ACOT12: variants seen among roughly 807,000 people sequenced by gnomAD.
ACOT12 encodes the protein acetyl-coenzyme A thioesterase.
A neutral mutation model predicts 67.7 loss-of-function variants in ACOT12; 51 were observed. The ratio of observed to expected loss-of-function variants is 0.75; its 90% confidence interval spans 0.60 to 0.95. The LOEUF is 0.95. Among genes scored for constraint, ACOT12 ranks in the 40% least tolerant of loss-of-function variants. The pLI is 0.00. For missense variants in ACOT12, 734 were observed against 708.1 expected, an observed-to-expected ratio of 1.04 and a Z score of -0.41; for synonymous variants, 251 against 244.6, an observed-to-expected ratio of 1.03 and a Z score of -0.24.
chr5:81,308,726 C>T, the ACOT12 span: 1 of 1,595,046 alleles, frequency 6.3e-7, no homozygotes, highest in East Asian at 2.2e-5. Flanking sequence ...GTGTTTCTTT[C>T]AGTTTTTTGT....
intron 2 of ACOT12, among the ~76,000 whole-genome samples, chr5:81,374,571 T>A (rs907718331): frequency 6.6e-6 from 1 of 151,934 alleles, no homozygotes; most frequent in Admixed American, 6.5e-5. Flanking sequence ...TCTAACCCAA[T>A]GAAAGGAAGC....
At chr5:81,325,091 GAGA>G (rs1264393750), downstream of ACOT12, among the ~76,000 whole-genome samples, 14 of 152,348 alleles carry the variant, frequency 9.2e-5, no homozygotes, top group East Asian at 2.7e-3. Flanking sequence ...GGGAGTCCTG[GAGA>G]AGGTGAGAGA....
chr5:81,335,659 CTT>C, intron 12 of ACOT12, 107 bp downstream of exon 12: 1 of 1,336,230 alleles, frequency 7.5e-7, no homozygotes, highest in Admixed American at 2.2e-5. Context: ...TAAAAATACT[CTT>C]TAAACAATGG....
downstream of ACOT12, among the ~76,000 whole-genome samples, chr5:81,328,149 A>G (rs865899812): frequency 6.6e-6 from 1 of 152,230 alleles, no homozygotes; most frequent in Middle Eastern, 3.4e-3. Context: ...TGCTGCATCC[A>G]GAGATCCTCA....
chr5:81,342,534 G>T, intron 11 of ACOT12, 138 bp downstream of exon 11: 2 of 801,182 alleles, frequency 2.5e-6, no homozygotes, highest in Non-Finnish European at 4.1e-6. Context: ...CTGAAAAGAT[G>T]GTTGCGTCTT....
At chr5:81,363,286 G>A (rs1032410919) in intron 4 of ACOT12, among the ~76,000 whole-genome samples, 1 of 152,144 alleles carries the variant, frequency 6.6e-6, no homozygotes, top group Non-Finnish European at 1.5e-5. Flanking sequence ...TCACTTCGGA[G>A]GGTGTTTTCA....
In ACOT12 at chr5:81,330,796, A is replaced by G; in HGVS notation, c.1518+18T>C. On this transcript the variant is annotated intron_variant, in intron 14 of 14. Coordinates refer to ENST00000307624, the MANE Select transcript of ACOT12 (RefSeq NM_130767.3). ...TCTGGCAGAGCCAATTAATCTGCAG[A>G]TGTTTCATCAAACTTACGATGCATG... 6.2e-6 allele frequency: 10 copies of G among 1,608,996 alleles called. No homozygotes were observed. Among genetic ancestry groups the G allele is most frequent in the South Asian group, 3.3e-5 (3 of 90,178 alleles).
the ACOT12 span, among the ~76,000 whole-genome samples, chr5:81,318,167 G>C: frequency 6.6e-6 from 1 of 152,024 alleles, no homozygotes; most frequent in African/African-American, 2.4e-5. Context: ...ACAGGTGTGA[G>C]CCACTATGCC....
chr5:81,342,284 C>G (rs1279425470), intron 11 of ACOT12, among the ~76,000 whole-genome samples: 2 of 152,162 alleles, frequency 1.3e-5, no homozygotes, highest in African/African-American at 4.8e-5. Flanking sequence ...AGCCAGCACA[C>G]TCGACCAAAA....
intron 5 of ACOT12, among the ~76,000 whole-genome samples, chr5:81,358,764 G>A (rs530032094): frequency 2.0e-5 from 3 of 152,124 alleles, no homozygotes; most frequent in African/African-American, 7.2e-5. Flanking sequence ...CAGGAGAATT[G>A]CTTGAACCTG....
At chr5:81,378,872 A>C (rs963379384) in intron 2 of ACOT12, among the ~76,000 whole-genome samples, 23 of 152,326 alleles carry the variant, frequency 1.5e-4, no homozygotes, top group Middle Eastern at 6.8e-3. Flanking sequence ...ACGCTTTTAC[A>C]TTGTTGGTGG....
intron 2 of ACOT12, among the ~76,000 whole-genome samples, chr5:81,374,745 A>T (rs1018734012): frequency 5.3e-5 from 8 of 152,188 alleles, no homozygotes; most frequent in African/African-American, 1.9e-4. Flanking sequence ...GATATCAGAG[A>T]TTGAAGATCA....
intron 11 of ACOT12, among the ~76,000 whole-genome samples, chr5:81,339,275 G>A (rs1052822292): frequency 4.6e-5 from 7 of 152,200 alleles, no homozygotes; most frequent in Admixed American, 2.6e-4. Context: ...TCGGAAGGGC[G>A]GAGCTCTGGG....
At chr5:81,374,918 C>T (rs970561577) in intron 2 of ACOT12, among the ~76,000 whole-genome samples, 7 of 152,208 alleles carry the variant, frequency 4.6e-5, no homozygotes, top group African/African-American at 1.7e-4. Flanking sequence ...AAACACTCTT[C>T]AGGATATTAT....
At chr5:81,356,194 T>C (rs1056335332) in intron 5 of ACOT12, among the ~76,000 whole-genome samples, 1 of 152,160 alleles carries the variant, frequency 6.6e-6, no homozygotes. Context: ...CATCCAAGTG[T>C]CTCCCACACT....
chr5:81,393,955 CCGCGCCTCCCCGCAGCCCCGGCG>C lies in ACOT12; in HGVS notation c.127+10_127+32del. 1.5e-6 allele frequency: 2 copies of C among 1,309,222 alleles called. No individual in the cohort carries two copies. Among genetic ancestry groups the C allele is most frequent in the Non-Finnish European group, 1.9e-6 (2 of 1,035,266 alleles). 81.1% of individuals were successfully genotyped at this position (1,309,222 alleles called of 1,614,324 possible). The stretch of plus-strand genomic sequence containing the variant: ...CGCCGCCGCTCCCGCAGCCCCGGTC[CCGCGCCTCCCCGCAGCCCCGGCG>C]CCCGCCTACCCGCCAGGCAGGCGGT... On this transcript the variant is annotated intron_variant, in intron 1 of 14. Coordinates refer to ENST00000307624, the MANE Select transcript of ACOT12 (RefSeq NM_130767.3).
intron 1 of ACOT12, among the ~76,000 whole-genome samples, chr5:81,388,993 G>A (rs1760799762): frequency 6.6e-6 from 1 of 152,198 alleles, no homozygotes; most frequent in African/African-American, 2.4e-5. Flanking sequence ...GGAACTGTGA[G>A]TCCGTTAAAT....
intron 5 of ACOT12, among the ~76,000 whole-genome samples, chr5:81,348,628 G>C (rs1201940501): frequency 2.0e-5 from 3 of 152,156 alleles, no homozygotes; most frequent in East Asian, 3.9e-4. Flanking sequence ...GCAGTGGTGC[G>C]ATCTCAGCTC....
chr5:81,358,782 T>C (rs56230611), intron 5 of ACOT12, among the ~76,000 whole-genome samples: 6,800 of 151,410 alleles, frequency 0.045, 548 homozygotes, highest in African/African-American at 0.16. Flanking sequence ...CTGGGAGGCA[T>C]AGGTTGCAGT....
Sources: allele counts gnomAD v4.1 joint callset (sites outside exome capture counted in the v4.1 genomes callset), GRCh38; gene constraint gnomAD v4.1.1; transcripts MANE v1.5; gene names NCBI Gene and HGNC (gene_info 2026-07-23, HGNC 2026-07-21).